DNMT3A: variants seen among roughly 807,000 people sequenced by gnomAD.
DNMT3A encodes DNA (cytosine-5)-methyltransferase 3A.
Under a neutral mutation model 117.6 loss-of-function variants are expected in DNMT3A, and 267 were observed. That is an observed-to-expected ratio of 2.27 (90% confidence interval 2.05 to 2.51). The LOEUF is 2.51. Ranked by LOEUF, DNMT3A falls within the 30% of genes most tolerant of loss-of-function variation. The pLI, the probability that DNMT3A is intolerant of heterozygous loss-of-function variation, is 0.00. For missense variants in DNMT3A, 1,029 were observed against 1,260.2 expected (o/e 0.82, Z 2.78); for synonymous variants, 432 against 474.8 (o/e 0.91, Z 1.17).
upstream of DNMT3A, among the ~76,000 whole-genome samples, chr2:25,342,257 C>A (rs1245115350): frequency 6.7e-6 from 1 of 149,030 alleles, no homozygotes; most frequent in African/African-American, 2.4e-5. This position sits in a 1 kb window ranked among gnomAD's most constrained non-coding sequence, Gnocchi z 5.9. Flanking sequence ...TCTGCGGCCC[C>A]GCCGGGGTCC....
upstream of DNMT3A, chr2:25,341,964 G>T: frequency 1.1e-6 from 1 of 952,358 alleles, no homozygotes; most frequent in Non-Finnish European, 1.2e-6. Context: ...TGCCTCGCTC[G>T]CTCGCTCCCT....
chr2:25,247,523 C>T lies in DNMT3A; in HGVS notation c.1014+68G>A, dbSNP rs892240315. The T allele has an allele frequency of 1.9e-6, 3 of 1,579,310 alleles. No individual in the cohort carries two copies. The highest frequency in any genetic ancestry group is 2.6e-6 in the Non-Finnish European group (3 of 1,160,788). Reference sequence around the variant, plus strand: ...ACCCCAATTCCAGACTGCCCCCAGCCAAAACCACAGGCCCTGGGATCAAGA... The same window carrying T: ...ACCCCAATTCCAGACTGCCCCCAGCTAAAACCACAGGCCCTGGGATCAAGA... On this transcript the variant is annotated intron_variant, in intron 8 of 22. Transcript: ENST00000321117. This position sits in a 1 kb window ranked among gnomAD's most constrained non-coding sequence, Gnocchi z 5.6.
Position 25,244,157 on chromosome 2 carries a change from AT to A in DNMT3A, c.1848del (p.Glu616AspfsTer35). ...CGCGCCCCAGGCCCAGCACTCACAA[AT>A]TCCTGGTCGTGGTTATTAGCGAAGA... Reference protein sequence around the residue: ...QMFFANNHDQEFDPPKVYPPV... With the variant: ...QMFFANNHDQXFDPPKVYPPV... On this transcript the variant is annotated frameshift_variant, in exon 15 of 23. Transcript: ENST00000321117. LOFTEE classifies it high-confidence loss of function. 1 of 1,613,922 alleles carries A rather than the reference AT, an allele frequency of 6.2e-7. No homozygotes were observed. Among genetic ancestry groups the A allele is most frequent in the Non-Finnish European group, 8.5e-7 (1 of 1,180,014 alleles).
At position 25,238,102 on chromosome 2, in the gene DNMT3A, C is replaced by T. The variant is rs115160577; in HGVS notation, c.2408+1028G>A. On this transcript the variant is annotated intron_variant, in intron 20 of 22. Coordinates refer to ENST00000321117, the MANE Select transcript of DNMT3A (RefSeq NM_022552.5). The stretch of plus-strand genomic sequence containing the variant: ...GTATTTTAGAGTTGAAAGAAGCAGG[C>T]GAGAAATCCCACAGGACCAAGGTCT... 8.1e-3 allele frequency among the ~76,000 whole-genome samples: 1,234 copies of T among 152,228 alleles called. 17 individuals are homozygous for T. The highest frequency in any genetic ancestry group is 0.026 in the African/African-American group (1,077 of 41,538).
In DNMT3A at chr2:25,257,508, G is replaced by C. The variant is rs751717371; in HGVS notation, c.640-9256C>G. Among the ~76,000 whole-genome samples, 13 of 152,082 alleles carry C rather than the reference G, an allele frequency of 8.5e-5. No individual in the cohort carries two copies. Among genetic ancestry groups the C allele is most frequent in the Non-Finnish European group, 1.8e-4 (12 of 68,018 alleles). On this transcript the variant is annotated intron_variant, in intron 6 of 22. Transcript: ENST00000321117. This position sits in a 1 kb window ranked among gnomAD's most constrained non-coding sequence, Gnocchi z 4.8. Reference sequence around the variant, plus strand: ...GCTTCTCTGGAGGGAGAGAAGTGGGGGTCTGGTCTTGGCTTAGCCGGCATG... The same window carrying C: ...GCTTCTCTGGAGGGAGAGAAGTGGGCGTCTGGTCTTGGCTTAGCCGGCATG...
chr2:25,246,404 C>T, intron 10 of DNMT3A, 95 bp from the exon 11 acceptor site: 8 of 1,493,170 alleles, frequency 5.4e-6, no homozygotes, highest in Non-Finnish European at 7.2e-6. Flanking sequence ...GCGGCCTGGT[C>T]TCCAACTTGT....
In DNMT3A at chr2:25,244,254, G is replaced by T; in HGVS notation, c.1752C>A (p.Tyr584Ter). The T allele has an allele frequency of 6.2e-7, 1 of 1,614,014 alleles. No individual in the cohort carries two copies. Among genetic ancestry groups the T allele is most frequent in the Non-Finnish European group, 8.5e-7 (1 of 1,180,004 alleles). ...CGTAGGTACCCTTGTGCCCGCACAT[G>T]TAGCAGTTCCAGGGGTCTTCCTTAA... ...AAIKEDPWNC[Y>*]MCGHKGTYGL... The change falls in exon 15 of 23, where the codon TAC (tyrosine) becomes TAA (stop). Residue 584 changes from tyrosine to a stop codon, truncating the protein, a stop_gained. Coordinates refer to ENST00000321117, the MANE Select transcript of DNMT3A (RefSeq NM_022552.5). LOFTEE classifies it high-confidence loss of function.
rs1377443261 is a variant in DNMT3A at position 25,314,660 on chromosome 2, G to A, written c.-177-499C>T. The stretch of plus-strand genomic sequence containing the variant: ...TGAAATGAATGTCACCTCACTTCAG[G>A]ACCGGTGCCTGGGCCCAGAGAAAGC... On this transcript the variant is annotated intron_variant, in intron 1 of 22. Transcript: ENST00000321117. 6 of 985,310 alleles carry A rather than the reference G, an allele frequency of 6.1e-6. No homozygotes were observed. In the South Asian group the frequency reaches 2.3e-4, roughly 39 times the overall value. The allele number at this position is 985,310 out of a possible 1,614,324, so 61.0% of individuals were successfully genotyped here.
In DNMT3A at chr2:25,229,549, G is replaced by C. The variant is rs1480259282; in HGVS notation, c.*4730C>G. The stretch of plus-strand genomic sequence containing the variant: ...ACTCACCTCCCGGGACCAAAACAGG[G>C]GCCTGGCTAGAAACTCGGTTCCCAC... On this transcript the variant is annotated 3_prime_UTR_variant, in exon 23 of 23. Transcript: ENST00000321117. 1.3e-5 allele frequency: 2 copies of C among 152,256 alleles called. No individual in the cohort carries two copies. Among genetic ancestry groups the C allele is most frequent in the Non-Finnish European group, 2.9e-5 (2 of 68,114 alleles). 9.4% of individuals were successfully genotyped at this position (152,256 alleles called of 1,614,324 possible).
chr2:25,280,928 T>C (rs951745573), intron 4 of DNMT3A, among the ~76,000 whole-genome samples: 1 of 152,112 alleles, frequency 6.6e-6, no homozygotes, highest in African/African-American at 2.4e-5. Context: ...TGACCCTGGG[T>C]AGCAGCTCGG....
chr2:25,273,132 G>A (rs1272786003), intron 6 of DNMT3A, among the ~76,000 whole-genome samples: 1 of 151,912 alleles, frequency 6.6e-6, no homozygotes, highest in East Asian at 1.9e-4. Flanking sequence ...CTGCCACCAT[G>A]CCCGGCTAAT....
Position 25,252,668 on chromosome 2 carries a change from C to G in DNMT3A, c.640-4416G>C, listed in dbSNP as rs374211090. 6.6e-6 allele frequency among the ~76,000 whole-genome samples: 1 copy of G among 151,586 alleles called. No individual in the cohort carries two copies. Among genetic ancestry groups the G allele is most frequent in the East Asian group, 1.9e-4 (1 of 5,136 alleles). ...AGGGGCTGCTCCCGAGCCGCCTGCC[C>G]GGAGGGAGCCGGGGGTCCGGGCGAA... On this transcript the variant is annotated intron_variant, in intron 6 of 22. Transcript: ENST00000321117. This position sits in a 1 kb window ranked among gnomAD's most constrained non-coding sequence, Gnocchi z 5.5.
chr2:25,248,840 G>C (rs763320973), intron 6 of DNMT3A, among the ~76,000 whole-genome samples: 20 of 152,050 alleles, frequency 1.3e-4, no homozygotes, highest in Non-Finnish European at 2.4e-4. Context: ...GAGCCACTGT[G>C]TCTAGCCTAC....
chr2:25,248,132 C>A lies in DNMT3A; in HGVS notation c.760G>T (p.Ala254Ser). 6.2e-7 allele frequency: 1 copy of A among 1,613,508 alleles called. No homozygotes were observed. Among genetic ancestry groups the A allele is most frequent in the Non-Finnish European group, 8.5e-7 (1 of 1,179,898 alleles). ...GGCGTGGTAGCCACAGTGGGGGATG[C>A]GGGGTCAGTGGGCTGCTGCACAGCA... Reference protein sequence around the residue: ...PPAVQQPTDPASPTVATTPEP... With the variant: ...PPAVQQPTDPSSPTVATTPEP... Residue 254 changes from alanine to serine, a missense_variant, in exon 7 of 23, where the codon GCA becomes TCA. Physicochemically the swap from Ala to Ser is moderately conservative, Grantham distance 99 (BLOSUM62 1). Coordinates refer to ENST00000321117, the MANE Select transcript of DNMT3A (RefSeq NM_022552.5).
Position 25,339,994 on chromosome 2 carries a change from C to T in DNMT3A, c.-178+1832G>A, listed in dbSNP as rs1469898076. Reference sequence around the variant, plus strand: ...GGGTGAAACATGAAGACTGAGCAGGCCCTCAGGGATGCTGATGGCAGTCTC... The same window carrying T: ...GGGTGAAACATGAAGACTGAGCAGGTCCTCAGGGATGCTGATGGCAGTCTC... On this transcript the variant is annotated intron_variant, in intron 1 of 22. Transcript: ENST00000321117. This position sits in a 1 kb window ranked among gnomAD's most constrained non-coding sequence, Gnocchi z 4.9. 1.3e-5 allele frequency among the ~76,000 whole-genome samples: 2 copies of T among 152,218 alleles called. No individual in the cohort carries two copies. Among genetic ancestry groups the T allele is most frequent in the Admixed American group, 6.5e-5 (1 of 15,290 alleles).
chr2:25,302,671 C>T lies in DNMT3A; in HGVS notation c.73-2428G>A, dbSNP rs578128600. 5.9e-4 allele frequency among the ~76,000 whole-genome samples: 90 copies of T among 152,222 alleles called. 2 individuals carry two copies. The highest frequency in any genetic ancestry group is 7.8e-4 in the Non-Finnish European group (53 of 68,024). On this transcript the variant is annotated intron_variant, in intron 2 of 22. Coordinates refer to ENST00000321117, the MANE Select transcript of DNMT3A (RefSeq NM_022552.5). ...AGGCCTGCTGCTTCTGAACCATCTT[C>T]TGAAGACCCCAGACCCCCGAGTGTA...
chr2:25,252,975 T>G lies in DNMT3A; in HGVS notation c.640-4723A>C, dbSNP rs1273958993. Among the ~76,000 whole-genome samples, 1 of 152,082 alleles carries G rather than the reference T, an allele frequency of 6.6e-6. No individual in the cohort carries two copies. Among genetic ancestry groups the G allele is most frequent in the Non-Finnish European group, 1.5e-5 (1 of 67,998 alleles). ...AAAGCGCGGCGTGAGGAGGTCAGGCTTCGAGTCCCAGGGCCCCTGCGTCAC... is the reference window on the plus strand; with the variant it reads ...AAAGCGCGGCGTGAGGAGGTCAGGCGTCGAGTCCCAGGGCCCCTGCGTCAC... On this transcript the variant is annotated intron_variant, in intron 6 of 22. Transcript: ENST00000321117. The surrounding 1 kb of genome is among the most constrained non-coding windows in gnomAD (Gnocchi z 5.5).
In DNMT3A at chr2:25,311,349, C is replaced by T. The variant is rs1008968163; in HGVS notation, c.72+2564G>A. Among the ~76,000 whole-genome samples, 4 of 152,230 alleles carry T rather than the reference C, an allele frequency of 2.6e-5. No individual in the cohort carries two copies. The highest frequency in any genetic ancestry group is 1.3e-4 in the Admixed American group (2 of 15,288). ...GCACCCCTGCCGCAGGCCTGGCTTTCATGGGCTGCTGTGGTGGCTGTCAGT... is the reference window on the plus strand; with the variant it reads ...GCACCCCTGCCGCAGGCCTGGCTTTTATGGGCTGCTGTGGTGGCTGTCAGT... On this transcript the variant is annotated intron_variant, in intron 2 of 22. Transcript: ENST00000321117. This position sits in a 1 kb window ranked among gnomAD's most constrained non-coding sequence, Gnocchi z 5.2.
intron 1 of DNMT3A, 51 bp downstream of exon 1, chr2:25,341,775 C>T: frequency 1.0e-6 from 1 of 976,330 alleles, no homozygotes; most frequent in Non-Finnish European, 1.2e-6. Context: ...TCCCCGGCTC[C>T]CCGCCGCCTC....
Sources: gnomAD v4.1 joint callset for allele counts (sites outside exome capture counted in the v4.1 genomes callset) on GRCh38, gnomAD v4.1.1 for gene constraint, Gnocchi (gnomAD v3.1) non-coding constraint, MANE v1.5 for transcripts, NCBI Gene and HGNC (gene_info 2026-07-23, HGNC 2026-07-21) for gene names.